Variants in KATNAL2 observed in about 807,000 individuals in gnomAD.
The protein encoded by KATNAL2 is katanin catalytic subunit A1 like 2, also known as katanin p60 ATPase-containing subunit A-like 2.
In KATNAL2, 52 loss-of-function variants were observed where a neutral mutation model predicts 76.3. That is an observed-to-expected ratio of 0.68 (90% confidence interval 0.55 to 0.86). The LOEUF is 0.86. Among genes scored for constraint, KATNAL2 ranks in the 40% least tolerant of loss-of-function variants. The pLI, the probability that KATNAL2 is intolerant of heterozygous loss-of-function variation, is 0.00. For synonymous variants in KATNAL2, 243 were observed against 244.2 expected, an observed-to-expected ratio of 1.00 and a Z score of 0.05; for missense variants, 660 against 668.9, an observed-to-expected ratio of 0.99 and a Z score of 0.15.
chr18:47,054,913 G>T (rs6507718), intron 6 of KATNAL2, among the ~76,000 whole-genome samples: 1 of 152,098 alleles, frequency 6.6e-6, no homozygotes, highest in Non-Finnish European at 1.5e-5. Context: ...TGTGAGCTCA[G>T]GCTTCTGGCT....
chr18:46,953,563 G>A (rs7244013), intron 3 of KATNAL2, among the ~76,000 whole-genome samples: 1 of 151,938 alleles, frequency 6.6e-6, no homozygotes, highest in Non-Finnish European at 1.5e-5. Flanking sequence ...TGAGACCAGC[G>A]TGGGCAACAT....
At chr18:46,946,620 T>C in intron 2 of KATNAL2, 74 bp downstream of exon 2, 1 of 927,726 alleles carries the variant, frequency 1.1e-6, no homozygotes, top group Non-Finnish European at 1.3e-6. Context: ...GCCCGCCCTG[T>C]GCTCTAACAA....
At chr18:46,951,724 A>T (rs2059563223) in intron 3 of KATNAL2, among the ~76,000 whole-genome samples, 1 of 151,892 alleles carries the variant, frequency 6.6e-6, no homozygotes, top group Admixed American at 6.6e-5. Context: ...TCAGGTTAAT[A>T]CTCTAGGTTG....
chr18:47,075,174 C>A (rs2062154996), intron 13 of KATNAL2, 103 bp from the exon 14 acceptor site: 2 of 827,294 alleles, frequency 2.4e-6, no homozygotes, highest in African/African-American at 1.8e-5. Context: ...CAGAGTGCAG[C>A]ATAAATGCTT....
intron 4 of KATNAL2, among the ~76,000 whole-genome samples, chr18:47,049,338 A>G (rs2147077714): frequency 6.6e-6 from 1 of 152,336 alleles, no homozygotes; most frequent in South Asian, 2.1e-4. Context: ...TATTGATAGG[A>G]TTTGGGTTTT....
chr18:47,069,556 A>T lies in KATNAL2; in HGVS notation c.964A>T (p.Thr322Ser), dbSNP rs2061924938. The change falls in exon 13 of 18, where the codon ACC (threonine) becomes TCC (serine). Residue 322 changes from threonine to serine, a missense_variant. Physicochemically the swap from Thr to Ser is moderately conservative, Grantham distance 58. Coordinates refer to ENST00000683218, the MANE Select transcript of KATNAL2 (RefSeq NM_001387690.1). ...KTTFFNISAS[T>S]IVSKWRGDSE... ...AACCTTCTTTAACATTTCTGCATCC[A>T]CCATTGTCAGCAAATGGAGAGGGGA... is the stretch of plus-strand genomic sequence containing the variant. 5 of 1,613,958 alleles carry T rather than the reference A, an allele frequency of 3.1e-6. No individual in the cohort carries two copies. The highest frequency in any genetic ancestry group is 1.6e-4 in the Middle Eastern group (1 of 6,062).
chr18:47,059,748 A>C, intron 8 of KATNAL2, 94 bp downstream of exon 8: 1 of 923,478 alleles, frequency 1.1e-6, no homozygotes, highest in Non-Finnish European at 1.7e-6. Flanking sequence ...CAAACAGGAA[A>C]GTTAAGATGT....
intron 15 of KATNAL2, among the ~76,000 whole-genome samples, chr18:47,081,575 G>C (rs1475443668): frequency 1.3e-5 from 2 of 152,188 alleles, no homozygotes; most frequent in Non-Finnish European, 2.9e-5. Flanking sequence ...CCATATGAGA[G>C]AGTACAGATC....
chr18:46,954,144 G>A (rs2059651815), intron 3 of KATNAL2, among the ~76,000 whole-genome samples: 1 of 151,366 alleles, frequency 6.6e-6, no homozygotes. Flanking sequence ...GGGTAGGGGA[G>A]GAATTGTAAC....
intron 1 of KATNAL2, among the ~76,000 whole-genome samples, chr18:46,939,497 A>G (rs1021978407): frequency 3.3e-5 from 5 of 152,174 alleles, no homozygotes; most frequent in Non-Finnish European, 7.4e-5. Context: ...AAACCCATAA[A>G]GTATTCATCG....
intron 3 of KATNAL2, among the ~76,000 whole-genome samples, chr18:46,965,929 G>A (rs1378014367): frequency 1.3e-5 from 2 of 148,618 alleles, no homozygotes; most frequent in Non-Finnish European, 3.0e-5. Flanking sequence ...TTCTGCTGTC[G>A]GCGGCGATTT....
At chr18:46,932,133 G>C (rs1319503350) in intron 1 of KATNAL2, among the ~76,000 whole-genome samples, 1 of 151,840 alleles carries the variant, frequency 6.6e-6, no homozygotes, top group African/African-American at 2.4e-5. Context: ...GGATGGTCTC[G>C]ATCTCCTGAC....
rs1158373370 is a variant in KATNAL2 at position 46,946,896 on chromosome 18, G to T, written c.24G>T (p.Leu8=). 4 of 1,535,524 alleles carry T rather than the reference G, an allele frequency of 2.6e-6. No individual in the cohort carries two copies. In the African/African-American group the frequency reaches 4.1e-5, roughly 16 times the overall value. ...TGATGGAGCTTTCCTACCAGACCCT[G>T]AAATTCACGCATCAGGCGCGGGAAG... MELSYQT[L]KFTHQAREAC... The change falls in exon 3 of 18, where the codon CTG becomes CTT. Residue 8 remains leucine, a synonymous_variant. Coordinates refer to ENST00000683218, the MANE Select transcript of KATNAL2 (RefSeq NM_001387690.1).
At chr18:47,042,873 C>G (rs536238239) in intron 3 of KATNAL2, among the ~76,000 whole-genome samples, 2 of 152,086 alleles carry the variant, frequency 1.3e-5, no homozygotes, top group Admixed American at 1.3e-4. Flanking sequence ...AATGGCTAGG[C>G]AGTGAATGGA....
intron 1 of KATNAL2, among the ~76,000 whole-genome samples, chr18:46,936,388 GAAT>G (rs775621325): frequency 1.3e-5 from 2 of 151,984 alleles, no homozygotes; most frequent in Non-Finnish European, 2.9e-5. Context: ...AGTCAATAAT[GAAT>G]AATAACCAGA....
rs931646274 is a variant in KATNAL2 at position 47,074,681 on chromosome 18, T to C, written c.1009-596T>C. ...TATAATATTTTATTTTATTCTCAAA[T>C]AGAACATCGTATTCAATTGAGAATT... On this transcript the variant is annotated intron_variant, in intron 13 of 17. Coordinates refer to ENST00000683218, the MANE Select transcript of KATNAL2 (RefSeq NM_001387690.1). 2.0e-5 allele frequency among the ~76,000 whole-genome samples: 3 copies of C among 152,310 alleles called. No homozygotes were observed. In the East Asian group the frequency reaches 5.8e-4, roughly 29 times the overall value.
intron 3 of KATNAL2, chr18:47,035,517 C>G (rs1010603730): frequency 1.4e-6 from 1 of 739,030 alleles, no homozygotes; most frequent in African/African-American, 1.8e-5. Context: ...CCTGGAGTGA[C>G]CTCTGCAGTT....
At position 47,034,189 on chromosome 18, in the gene KATNAL2, G is replaced by T. The variant is rs780709545; in HGVS notation, c.52-12268G>T. 1.2e-5 allele frequency: 19 copies of T among 1,614,066 alleles called. No homozygotes were observed. Among genetic ancestry groups the T allele is most frequent in the Non-Finnish European group, 1.6e-5 (19 of 1,179,940 alleles). ...CACCTCAGAGAGGGAGCTCACGGACGTTCTGTCCAAATGAGCAGTCGGTGG... is the reference window on the plus strand; with the variant it reads ...CACCTCAGAGAGGGAGCTCACGGACTTTCTGTCCAAATGAGCAGTCGGTGG... On this transcript the variant is annotated intron_variant, in intron 3 of 17. Transcript: ENST00000683218.
In KATNAL2 at chr18:47,033,102, C is replaced by T. The variant is rs192545475; in HGVS notation, c.52-13355C>T. The stretch of plus-strand genomic sequence containing the variant: ...GTTTCCGGGTTTTGGCCGCGGGCGC[C>T]GCGTGCTCATTGCTGCTGCTCAGGC... On this transcript the variant is annotated intron_variant, in intron 3 of 17. Coordinates refer to ENST00000683218, the MANE Select transcript of KATNAL2 (RefSeq NM_001387690.1). 7.2e-4 allele frequency: 1,168 copies of T among 1,614,118 alleles called. No homozygotes were observed. The highest frequency in any genetic ancestry group is 9.5e-4 in the Non-Finnish European group (1,119 of 1,180,042).
Sources: gnomAD v4.1 joint callset for allele counts (sites outside exome capture counted in the v4.1 genomes callset) on GRCh38, gnomAD v4.1.1 for gene constraint, MANE v1.5 for transcripts, NCBI Gene and HGNC (gene_info 2026-07-23, HGNC 2026-07-21) for gene names.